Variants in ZNF507 observed in about 807,000 individuals in gnomAD.
ZNF507 encodes zinc finger protein 507.
A neutral mutation model predicts 80.0 loss-of-function variants in ZNF507; 29 were observed. The observed-to-expected ratio is 0.36, with a 90% CI of 0.27 to 0.49. ZNF507 has a LOEUF of 0.49. Among genes scored for constraint, ZNF507 ranks in the 20% least tolerant of loss-of-function variants. The pLI, the probability that ZNF507 is intolerant of heterozygous loss-of-function variation, is 0.98. For missense variants in ZNF507, 1,081 were observed against 1,152.2 expected (o/e 0.94, Z 0.90); for synonymous variants, 462 against 422.5 (o/e 1.09, Z -1.15).
At chr19:32,363,389 G>T (rs1256426366) in intron 5 of ZNF507, among the ~76,000 whole-genome samples, 1 of 152,190 alleles carries the variant, frequency 6.6e-6, no homozygotes, top group Non-Finnish European at 1.5e-5. Flanking sequence ...CAAGTTTTCT[G>T]TAGTGGTGAA....
intron 5 of ZNF507, among the ~76,000 whole-genome samples, chr19:32,365,660 C>G (rs1431776825): frequency 6.6e-6 from 1 of 152,166 alleles, no homozygotes. Context: ...CCCAGTACCA[C>G]TTTTGTAGAG....
intron 2 of ZNF507, 135 bp downstream of exon 2, chr19:32,347,473 C>G (rs1485577390): frequency 1.3e-5 from 2 of 152,156 alleles, no homozygotes; most frequent in African/African-American, 4.8e-5. Context: ...GGAGCTGTTA[C>G]TCTTTTCAGT....
At chr19:32,351,419 CTGTGTGTGTGTGTGTGTGTG>C (rs5823) in intron 2 of ZNF507, among the ~76,000 whole-genome samples, 58 of 52,836 alleles carry the variant, frequency 1.1e-3, no homozygotes, top group South Asian at 2.5e-3. Flanking sequence ...AGCTGGTCAG[CTGTGTGTGTGTGTGTGTGTG>C]TGTGTGTGTG....
chr19:32,350,987 GT>G (rs1265482640), intron 2 of ZNF507, among the ~76,000 whole-genome samples: 1 of 152,166 alleles, frequency 6.6e-6, no homozygotes, highest in Non-Finnish European at 1.5e-5. Flanking sequence ...GAAACAAATT[GT>G]TCCCCCATTG....
At chr19:32,375,194 G>A (rs556559909) in intron 5 of ZNF507, among the ~76,000 whole-genome samples, 6 of 152,144 alleles carry the variant, frequency 3.9e-5, no homozygotes, top group Non-Finnish European at 7.3e-5. Context: ...GACATTTGCC[G>A]ATGTCTGGAG....
chr19:32,352,995 G>T lies in ZNF507; in HGVS notation c.165G>T (p.Val55=). The change falls in exon 3 of 7, where the codon GTG becomes GTT. Residue 55 remains valine, a synonymous_variant. Coordinates refer to ENST00000355898, the MANE Select transcript of ZNF507 (RefSeq NM_001136156.2). ...TTATCCAGAAGTTAAGCAAGATAGT[G>T]GAAAATGAAAAGTCACAAAAATGTC... ...IHVIQKLSKI[V]ENEKSQKCLL... 6.2e-7 allele frequency: 1 copy of T among 1,614,012 alleles called. No homozygotes were observed. Among genetic ancestry groups the T allele is most frequent in the Non-Finnish European group, 8.5e-7 (1 of 1,180,002 alleles).
At chr19:32,377,963 T>C (rs1967573031) in intron 5 of ZNF507, among the ~76,000 whole-genome samples, 1 of 151,690 alleles carries the variant, frequency 6.6e-6, no homozygotes, top group Non-Finnish European at 1.5e-5. Context: ...ATCAGCTCAG[T>C]CTAACCATGA....
In ZNF507 at chr19:32,353,111, A is replaced by C. The variant is rs369961764; in HGVS notation, c.281A>C (p.Gln94Pro). 3 of 1,614,114 alleles carry C rather than the reference A, an allele frequency of 1.9e-6. No homozygotes were observed. Among genetic ancestry groups the C allele is most frequent in the African/African-American group, 2.7e-5 (2 of 74,942 alleles). Residue 94 changes from glutamine to proline, a missense_variant, in exon 3 of 7, where the codon CAG (glutamine) becomes CCG (proline). This residue lies in a region of ZNF507 where 275 missense variants were observed against 303.9 expected (regional missense o/e 0.90). Transcript: ENST00000355898. ...ELCEIPAKVI[Q>P]SPAADTRRAE... ...TGTGAGATTCCGGCTAAAGTAATCCAGTCACCTGCTGCTGATACTAGAAGG... is the reference window on the plus strand; with the variant it reads ...TGTGAGATTCCGGCTAAAGTAATCCCGTCACCTGCTGCTGATACTAGAAGG...
Position 32,382,599 on chromosome 19 carries a change from C to G in ZNF507, c.2493C>G (p.Gly831=). The change falls in exon 6 of 7, where the codon GGC becomes GGG. Residue 831 remains glycine, a splice_region_variant and synonymous_variant. Transcript: ENST00000355898. ...KAINDAISQS[G]RVLGKSPGKT... ...TTAACGACGCGATTTCACAAAGTGG[C>G]AGGTATTTCATCCTACCCCCTCCCT... The G allele has an allele frequency of 6.2e-7, 1 of 1,614,120 alleles. No homozygotes were observed. The highest frequency in any genetic ancestry group is 8.5e-7 in the Non-Finnish European group (1 of 1,179,998).
At chr19:32,380,251 G>T (rs1967605799) in intron 5 of ZNF507, among the ~76,000 whole-genome samples, 1 of 152,132 alleles carries the variant, frequency 6.6e-6, no homozygotes, top group South Asian at 2.1e-4. Flanking sequence ...AGCACTTAGG[G>T]AGTATGAGGT....
At chr19:32,359,033 T>C (rs1321506303) in intron 4 of ZNF507, 1 of 152,244 alleles carries the variant, frequency 6.6e-6, no homozygotes, top group African/African-American at 2.4e-5. Context: ...TTTTTCCATC[T>C]GTCAGTTTTA....
chr19:32,382,427 T>G, intron 5 of ZNF507, 40 bp from the exon 6 acceptor site: 1 of 1,605,716 alleles, frequency 6.2e-7, no homozygotes, highest in Non-Finnish European at 8.5e-7. Context: ...ACTGATGTTA[T>G]GGGACCGTTC....
chr19:32,368,623 A>G (rs1278885316), intron 5 of ZNF507, among the ~76,000 whole-genome samples: 2 of 152,184 alleles, frequency 1.3e-5, no homozygotes, highest in African/African-American at 4.8e-5. Context: ...GAAAGCTTCA[A>G]TTTGTTTAAG....
intron 5 of ZNF507, 134 bp from the exon 6 acceptor site, chr19:32,382,333 C>G (rs1599561297): frequency 8.8e-7 from 1 of 1,140,746 alleles, no homozygotes; most frequent in Non-Finnish European, 1.3e-6. Flanking sequence ...TCAGTAACAT[C>G]TTAGATTCAG....
chr19:32,346,626 A>G (rs999792385), intron 1 of ZNF507, among the ~76,000 whole-genome samples: 3 of 152,222 alleles, frequency 2.0e-5, no homozygotes, highest in Non-Finnish European at 4.4e-5. Flanking sequence ...GGGAGCCCTA[A>G]AGATGTTTTT....
chr19:32,382,340 T>A, intron 5 of ZNF507, 127 bp from the exon 6 acceptor site: 1 of 1,177,562 alleles, frequency 8.5e-7, no homozygotes, highest in Non-Finnish European at 1.2e-6. Context: ...CATCTTAGAT[T>A]CAGTGAAATA....
At chr19:32,376,181 T>C (rs1211346723) in intron 5 of ZNF507, among the ~76,000 whole-genome samples, 4 of 152,228 alleles carry the variant, frequency 2.6e-5, no homozygotes, top group East Asian at 1.9e-4. Flanking sequence ...TAAAAATATA[T>C]GTATTTTTAA....
intron 4 of ZNF507, chr19:32,359,933 G>C (rs1967300049): frequency 6.6e-6 from 1 of 152,098 alleles, no homozygotes; most frequent in Admixed American, 6.6e-5. Context: ...TTGCTCTGTT[G>C]CCCAGGCTGG....
rs1030647903 is a variant in ZNF507 at position 32,383,753 on chromosome 19, T to C, written c.*670T>C. On this transcript the variant is annotated 3_prime_UTR_variant, in exon 7 of 7. Coordinates refer to ENST00000355898, the MANE Select transcript of ZNF507 (RefSeq NM_001136156.2). ...AAGAAGTATTGTCTTAAATTTACGA[T>C]GAATTTCTTGTGAGCAGAGGACGAA... The C allele has an allele frequency of 6.6e-6, 1 of 152,244 alleles. No individual in the cohort carries two copies. Among genetic ancestry groups the C allele is most frequent in the African/African-American group, 2.4e-5 (1 of 41,454 alleles). 9.4% of individuals were successfully genotyped at this position (152,244 alleles called of 1,614,324 possible). A position where few individuals can be genotyped will look rare whatever the true frequency, so the allele number is the denominator to read the frequency against.
Sources: gnomAD v4.1 joint callset for allele counts (sites outside exome capture counted in the v4.1 genomes callset) on GRCh38, gnomAD v4.1.1 for gene constraint, gnomAD v4.1.1 regional missense constraint, MANE v1.5 for transcripts, NCBI Gene and HGNC (gene_info 2026-07-23, HGNC 2026-07-21) for gene names.